The following FAM227B variants were observed in gnomAD, a reference collection of about 807,000 sequenced individuals.
The protein encoded by FAM227B is protein FAM227B.
A neutral mutation model predicts 73.8 loss-of-function variants in FAM227B; 88 were observed. The ratio of observed to expected loss-of-function variants is 1.19; its 90% confidence interval spans 1.00 to 1.42. The LOEUF is 1.42. Among genes scored for constraint, FAM227B ranks in the 40% most tolerant of loss-of-function variants. FAM227B has a pLI of 0.00. For missense variants in FAM227B, 632 were observed against 590.9 expected (o/e 1.07, Z -0.72); for synonymous variants, 210 against 190.5 (o/e 1.10, Z -0.84).
Position 49,327,587 on chromosome 15 carries a change from T to C in FAM227B, c.*981A>G, listed in dbSNP as rs2037740497. 6.2e-6 allele frequency: 1 copy of C among 160,922 alleles called. No individual in the cohort carries two copies. Among genetic ancestry groups the C allele is most frequent in the Non-Finnish European group, 1.3e-5 (1 of 74,122 alleles). The allele number at this position is 160,922 out of a possible 1,614,324, so 10.0% of individuals were successfully genotyped here. Reference sequence around the variant, plus strand: ...AGGGTTGCCTACATTTCTTTTACCATTGCCTGTTTTATCTTAACGCCTCCT... The same window carrying C: ...AGGGTTGCCTACATTTCTTTTACCACTGCCTGTTTTATCTTAACGCCTCCT... On this transcript the variant is annotated 3_prime_UTR_variant, in exon 16 of 16. Transcript: ENST00000299338.
Position 49,395,113 on chromosome 15 carries a change from A to C in FAM227B, c.1013-23714T>G, listed in dbSNP as rs1162972217. Among the ~76,000 whole-genome samples, 5 of 152,282 alleles carry C rather than the reference A, an allele frequency of 3.3e-5. No individual in the cohort carries two copies. In the South Asian group the frequency reaches 1.0e-3, roughly 32 times the overall value. The stretch of plus-strand genomic sequence containing the variant: ...TAGCCAATATTTTTGGTACACACAT[A>C]TTAATACTTACCAATGTCTTCTTCC... On this transcript the variant is annotated intron_variant, in intron 11 of 15. Coordinates refer to ENST00000299338, the MANE Select transcript of FAM227B (RefSeq NM_152647.3).
chr15:49,620,396 C>T (rs2078622949), intron 1 of FAM227B, among the ~76,000 whole-genome samples: 1 of 152,162 alleles, frequency 6.6e-6, no homozygotes, highest in African/African-American at 2.4e-5. Context: ...TGTTAGAGTG[C>T]ACTTCCGTTT....
At chr15:49,498,724 C>A (rs908873191) in intron 11 of FAM227B, among the ~76,000 whole-genome samples, 2 of 151,816 alleles carry the variant, frequency 1.3e-5, no homozygotes, top group African/African-American at 4.9e-5. Flanking sequence ...CTTCAAGAGA[C>A]CCATCTCATG....
At chr15:49,560,749 C>A (rs2074186799) in intron 9 of FAM227B, among the ~76,000 whole-genome samples, 2 of 152,006 alleles carry the variant, frequency 1.3e-5, no homozygotes, top group Admixed American at 1.3e-4. Context: ...AAATAAATTC[C>A]CACAAAGAAT....
intron 9 of FAM227B, among the ~76,000 whole-genome samples, chr15:49,544,679 C>T (rs1252660663): frequency 1.3e-5 from 2 of 152,046 alleles, no homozygotes; most frequent in South Asian, 4.2e-4. Context: ...GGTATGTCTC[C>T]TCTTTGCCAA....
At chr15:49,590,436 T>A (rs1417628312) in intron 3 of FAM227B, among the ~76,000 whole-genome samples, 1 of 152,230 alleles carries the variant, frequency 6.6e-6, no homozygotes, top group African/African-American at 2.4e-5. Flanking sequence ...TTTGGCTTCA[T>A]GTCTCTTTGG....
chr15:49,399,483 T>A (rs1402331936), intron 11 of FAM227B, among the ~76,000 whole-genome samples: 1 of 148,544 alleles, frequency 6.7e-6, no homozygotes, highest in African/African-American at 2.5e-5. Context: ...GAGGGAATCC[T>A]CCCTAACTCA....
intron 13 of FAM227B, among the ~76,000 whole-genome samples, chr15:49,337,370 T>G (rs2039898061): frequency 6.6e-6 from 1 of 152,166 alleles, no homozygotes; most frequent in Non-Finnish European, 1.5e-5. Context: ...TTTGACTTTT[T>G]AATAATAGTC....
At chr15:49,427,767 C>T (rs1421416919) in intron 11 of FAM227B, among the ~76,000 whole-genome samples, 1 of 151,808 alleles carries the variant, frequency 6.6e-6, no homozygotes, top group Non-Finnish European at 1.5e-5. Flanking sequence ...TTGGAGCTAG[C>T]AGGAGAAGTA....
At chr15:49,425,195 C>G (rs534439880) in intron 11 of FAM227B, 1 of 151,886 alleles carries the variant, frequency 6.6e-6, no homozygotes, top group Non-Finnish European at 1.5e-5. Context: ...TCTCTCCTAA[C>G]GTTTTCCTTA....
At chr15:49,445,327 A>G (rs2052090616) in intron 11 of FAM227B, among the ~76,000 whole-genome samples, 1 of 151,576 alleles carries the variant, frequency 6.6e-6, no homozygotes, top group Non-Finnish European at 1.5e-5. Context: ...TAAGTCCATG[A>G]GTATTCAATG....
At chr15:49,455,040 T>C (rs2053149818) in intron 11 of FAM227B, among the ~76,000 whole-genome samples, 3 of 152,156 alleles carry the variant, frequency 2.0e-5, no homozygotes, top group South Asian at 2.1e-4. Context: ...ATTTAAAGTG[T>C]AGTTGGGGGA....
At chr15:49,489,951 T>C (rs1334432900) in intron 11 of FAM227B, among the ~76,000 whole-genome samples, 3 of 131,724 alleles carry the variant, frequency 2.3e-5, no homozygotes, top group African/African-American at 8.2e-5. Flanking sequence ...GAGAGACACC[T>C]AGGCCCCAAC....
At chr15:49,437,112 T>G (rs2051176786) in intron 11 of FAM227B, among the ~76,000 whole-genome samples, 1 of 151,610 alleles carries the variant, frequency 6.6e-6, no homozygotes, top group Non-Finnish European at 1.5e-5. Flanking sequence ...TTCTGTTCTT[T>G]AGGGTCTGGA....
intron 11 of FAM227B, among the ~76,000 whole-genome samples, chr15:49,427,326 T>C (rs1285809465): frequency 6.6e-6 from 1 of 152,030 alleles, no homozygotes; most frequent in African/African-American, 2.4e-5. Flanking sequence ...AATAAATGAA[T>C]GAAAGAATGT....
At position 49,428,050 on chromosome 15, in the gene FAM227B, C is replaced by T. The variant is rs185936721; in HGVS notation, c.1013-56651G>A. On this transcript the variant is annotated intron_variant, in intron 11 of 15. Transcript: ENST00000299338. ...AGAAAGAGTGCATCAAGGAACCCAA[C>T]GGAAATAAGACTTGTATTAGTAGAC... Among the ~76,000 whole-genome samples, 745 of 151,864 alleles carry T rather than the reference C, an allele frequency of 4.9e-3. 4 individuals carry two copies. Among genetic ancestry groups the T allele is most frequent in the Non-Finnish European group, 8.1e-3 (552 of 67,912 alleles).
chr15:49,618,155 T>C (rs576159811), intron 1 of FAM227B, among the ~76,000 whole-genome samples: 126 of 152,328 alleles, frequency 8.3e-4, no homozygotes, highest in Non-Finnish European at 1.3e-3. Context: ...GAGGTAAGGA[T>C]ATAGACATCT....
At chr15:49,553,215 G>A (rs1474200300) in intron 9 of FAM227B, among the ~76,000 whole-genome samples, 1 of 152,148 alleles carries the variant, frequency 6.6e-6, no homozygotes, top group Non-Finnish European at 1.5e-5. Flanking sequence ...CAGACTTGTG[G>A]AGGTAATTCT....
intron 11 of FAM227B, among the ~76,000 whole-genome samples, chr15:49,389,373 T>C (rs2047066839): frequency 6.6e-6 from 1 of 152,112 alleles, no homozygotes; most frequent in Middle Eastern, 3.4e-3. Context: ...CTAAGTGAAG[T>C]AACACAGGAG....
Sources: gnomAD v4.1 joint callset for allele counts (sites outside exome capture counted in the v4.1 genomes callset) on GRCh38, gnomAD v4.1.1 for gene constraint, MANE v1.5 for transcripts, NCBI Gene and HGNC (gene_info 2026-07-23, HGNC 2026-07-21) for gene names.